LRRC3C: variants seen among roughly 807,000 people sequenced by gnomAD.
The protein encoded by LRRC3C is leucine-rich repeat-containing protein 3C.
LRRC3C carries 11 observed loss-of-function variants against 14.8 expected under a neutral mutation model. That is an observed-to-expected ratio of 0.74 (90% CI 0.47 to 1.23). The LOEUF (loss-of-function observed/expected upper bound fraction) is 1.23. LRRC3C is among the 50% of genes most tolerant of loss of function. The probability of loss-of-function intolerance (pLI) is 0.00; values close to 1 mark genes in which losing one functional copy is unlikely to be tolerated. For synonymous variants in LRRC3C, 149 were observed against 161.5 expected, an observed-to-expected ratio of 0.92 and a Z score of 0.59; for missense variants, 354 against 361.8, an observed-to-expected ratio of 0.98 and a Z score of 0.18.
chr17:39,937,332 A>G (rs770466781), intron 2 of LRRC3C, among the ~76,000 whole-genome samples: 2 of 152,122 alleles, frequency 1.3e-5, no homozygotes, highest in Non-Finnish European at 2.9e-5. Flanking sequence ...GCTACTCCGG[A>G]GGCTGAGGCA....
intron 1 of LRRC3C, among the ~76,000 whole-genome samples, chr17:39,930,580 C>T (rs564539615): frequency 2.7e-5 from 4 of 149,530 alleles, no homozygotes; most frequent in African/African-American, 4.9e-5. Context: ...TGGTGATGGG[C>T]GCCTGTAATC....
intron 2 of LRRC3C, 27 bp from the exon 3 acceptor site, chr17:39,941,416 C>A: frequency 2.6e-6 from 2 of 755,162 alleles, no homozygotes; most frequent in South Asian, 1.7e-5. Flanking sequence ...CCCCCCCACA[C>A]ACACCCCATT....
intron 3 of LRRC3C, among the ~76,000 whole-genome samples, chr17:39,941,774 G>A (rs79785426): frequency 0.1 from 15,758 of 152,152 alleles, 925 homozygotes; most frequent in African/African-American, 0.12. Flanking sequence ...TAGAAAACTG[G>A]GCTCTGGTCT....
In LRRC3C at chr17:39,935,906, TTATCTATCTTCTC is replaced by T. The variant is rs1684661794; in HGVS notation, c.-82+22_-82+34del. ...ACCTGATAAAGAAGGTAGCCCTTCCTTATCTATCTTCTCTATCTATCTATCTACCTACCTATCT... is the reference window on the plus strand; with the variant it reads ...ACCTGATAAAGAAGGTAGCCCTTCCTTATCTATCTATCTACCTACCTATCT... On this transcript the variant is annotated intron_variant, in intron 2 of 3. Transcript: ENST00000377924. The T allele has an allele frequency of 1.4e-5, 14 of 982,248 alleles. No homozygotes were observed. The highest frequency in any genetic ancestry group is 1.7e-5 in the Non-Finnish European group (14 of 827,066). 60.8% of individuals were successfully genotyped at this position (982,248 alleles called of 1,614,324 possible).
intron 2 of LRRC3C, among the ~76,000 whole-genome samples, chr17:39,939,042 G>A (rs569168454): frequency 6.6e-5 from 10 of 151,964 alleles, no homozygotes; most frequent in Admixed American, 4.6e-4. Flanking sequence ...AAAAAGGTAG[G>A]GAGAGGAGCA....
At position 39,943,977 on chromosome 17, in the gene LRRC3C, C is replaced by T. The variant is rs1979005089; in HGVS notation, c.71C>T (p.Pro24Leu). 1 of 1,536,010 alleles carries T rather than the reference C, an allele frequency of 6.5e-7. No individual in the cohort carries two copies. Among genetic ancestry groups the T allele is most frequent in the Non-Finnish European group, 8.7e-7 (1 of 1,146,898 alleles). The change falls in exon 4 of 4, where the codon CCA becomes CTA. Residue 24 changes from proline (P) to leucine (L), a missense_variant. By Grantham distance (98) the Pro-to-Leu change is moderately conservative. Coordinates refer to ENST00000377924, the MANE Select transcript of LRRC3C (RefSeq NM_001195545.2). ...PGLCQFMAML[P>L]TAGHLLPLLL... ...CTATGCCAATTTATGGCCATGCTCCCAACAGCAGGTCACCTCCTGCCCCTC... is the reference window on the plus strand; with the variant it reads ...CTATGCCAATTTATGGCCATGCTCCTAACAGCAGGTCACCTCCTGCCCCTC...
At chr17:39,938,936 A>C (rs1341310132) in intron 2 of LRRC3C, among the ~76,000 whole-genome samples, 1 of 151,566 alleles carries the variant, frequency 6.6e-6, no homozygotes, top group Admixed American at 6.6e-5. Flanking sequence ...TAGTGAAGCG[A>C]GATCATGCAA....
Position 39,944,334 on chromosome 17 carries a change from T to A in LRRC3C, c.428T>A (p.Val143Glu), listed in dbSNP as rs1320280177. The A allele has an allele frequency of 7.2e-6, 11 of 1,535,398 alleles. No homozygotes were observed. The highest frequency in any genetic ancestry group is 9.6e-6 in the Non-Finnish European group (11 of 1,146,698). ...CTCTCTGCCAACCAGCTGGCCTCAGTGCCCGTGGAGGCCTTTGTGGGGCTA... is the reference window on the plus strand; with the variant it reads ...CTCTCTGCCAACCAGCTGGCCTCAGAGCCCGTGGAGGCCTTTGTGGGGCTA... Reference protein sequence around the residue: ...LDLSANQLASVPVEAFVGLQI... With the variant: ...LDLSANQLASEPVEAFVGLQI... Residue 143 changes from valine to glutamate, a missense_variant, in exon 4 of 4, where the codon GTG (valine) becomes GAG (glutamate). Transcript: ENST00000377924.
Position 39,935,805 on chromosome 17 carries a change from A to T in LRRC3C, c.-171A>T. 2.0e-6 allele frequency: 2 copies of T among 985,338 alleles called. No homozygotes were observed. Among genetic ancestry groups the T allele is most frequent in the Non-Finnish European group, 2.4e-6 (2 of 829,848 alleles). The allele number at this position is 985,338 out of a possible 1,614,324, so 61.0% of individuals were successfully genotyped here. On this transcript the variant is annotated 5_prime_UTR_variant, in exon 2 of 4. Coordinates refer to ENST00000377924, the MANE Select transcript of LRRC3C (RefSeq NM_001195545.2). Reference sequence around the variant, plus strand: ...CACCCCTTGCTCTTTTCTACAGGGAACAACAATAGCAGAGGCCTTTGTTGC... The same window carrying T: ...CACCCCTTGCTCTTTTCTACAGGGATCAACAATAGCAGAGGCCTTTGTTGC...
At chr17:39,943,854 C>T in intron 3 of LRRC3C, 79 bp from the exon 4 acceptor site, 1 of 1,423,772 alleles carries the variant, frequency 7.0e-7, no homozygotes, top group South Asian at 1.3e-5. Context: ...CCCAGAGGGA[C>T]CTCGGGAGGA....
chr17:39,936,666 A>T (rs1053249003), intron 2 of LRRC3C, among the ~76,000 whole-genome samples: 28 of 121,780 alleles, frequency 2.3e-4, no homozygotes, highest in Non-Finnish European at 3.5e-4. Flanking sequence ...AAAAAAAAAA[A>T]ATATCTGGGC....
chr17:39,933,394 G>C (rs543162752), intron 1 of LRRC3C, among the ~76,000 whole-genome samples: 2 of 152,194 alleles, frequency 1.3e-5, no homozygotes, highest in African/African-American at 4.8e-5. Context: ...ACATGTTCCT[G>C]GGATGCTGCT....
chr17:39,932,622 TA>T (rs1289444155), intron 1 of LRRC3C, among the ~76,000 whole-genome samples: 4 of 148,900 alleles, frequency 2.7e-5, no homozygotes, highest in African/African-American at 9.9e-5. Context: ...CTCAGGAGGC[TA>T]AGGCGGGAGG....
chr17:39,932,949 G>C (rs1372883400), intron 1 of LRRC3C, among the ~76,000 whole-genome samples: 1 of 152,050 alleles, frequency 6.6e-6, no homozygotes, highest in East Asian at 1.9e-4. Flanking sequence ...TTACTAGGAA[G>C]ACTGAGGTGG....
At chr17:39,930,634 G>A (rs1183426017) in intron 1 of LRRC3C, among the ~76,000 whole-genome samples, 1 of 148,020 alleles carries the variant, frequency 6.8e-6, no homozygotes, top group Non-Finnish European at 1.5e-5. Context: ...CTTGAACCCA[G>A]GAGGCAGAGG....
Position 39,944,466 on chromosome 17 carries a change from G to A in LRRC3C, c.560G>A (p.Cys187Tyr). ...LVPGTGTGIV[C>Y]GSGARPDLVG... Reference sequence around the variant, plus strand: ...CCGGGCACTGGGACAGGCATCGTGTGTGGCTCAGGAGCCCGACCGGACCTC... The same window carrying A: ...CCGGGCACTGGGACAGGCATCGTGTATGGCTCAGGAGCCCGACCGGACCTC... The change falls in exon 4 of 4, where the codon TGT (cysteine) becomes TAT (tyrosine). Residue 187 changes from cysteine to tyrosine, a missense_variant. Cys to Tyr is a radical substitution (Grantham distance 194, BLOSUM62 -2). Transcript: ENST00000377924. 6.7e-7 allele frequency: 1 copy of A among 1,487,584 alleles called. No homozygotes were observed. Among genetic ancestry groups the A allele is most frequent in the Non-Finnish European group, 8.9e-7 (1 of 1,120,970 alleles). 92.1% of individuals were successfully genotyped at this position (1,487,584 alleles called of 1,614,324 possible).
Position 39,936,667 on chromosome 17 carries a change from A to AAAT in LRRC3C, c.-82+773_-82+774insAAT, listed in dbSNP as rs1555653336. Among the ~76,000 whole-genome samples, 1,311 of 144,010 alleles carry AAAT rather than the reference A, an allele frequency of 9.1e-3. 17 individuals are homozygous for AAAT. The highest frequency in any genetic ancestry group is 0.032 in the African/African-American group (1,218 of 38,572). The allele number at this position is 144,010 out of a possible 152,430, so 94.5% of individuals were successfully genotyped here. ...AAAAATACAAAAAAAAAAAAAAAAA[A>AAAT]TATCTGGGCATGGTGGCATGCACCT... On this transcript the variant is annotated intron_variant, in intron 2 of 3. Coordinates refer to ENST00000377924, the MANE Select transcript of LRRC3C (RefSeq NM_001195545.2).
At chr17:39,927,853 A>T (rs1978526091) in intron 1 of LRRC3C, 39 bp downstream of exon 1, 6 of 985,614 alleles carry the variant, frequency 6.1e-6, no homozygotes, top group Non-Finnish European at 7.2e-6. Flanking sequence ...GTGCCCTTCA[A>T]GTGTATTTTA....
At chr17:39,941,319 C>T (rs999175219) in intron 2 of LRRC3C, among the ~76,000 whole-genome samples, 124 bp from the exon 3 acceptor site, 5 of 147,464 alleles carry the variant, frequency 3.4e-5, no homozygotes, top group African/African-American at 1.3e-4. Flanking sequence ...GCACTGCACT[C>T]CAGCCTGGGC....
Sources: allele counts gnomAD v4.1 joint callset (sites outside exome capture counted in the v4.1 genomes callset), GRCh38; gene constraint gnomAD v4.1.1; transcripts MANE v1.5; gene names NCBI Gene and HGNC (gene_info 2026-07-23, HGNC 2026-07-21).